The following CCT7 variants were observed in gnomAD, a reference collection of about 807,000 sequenced individuals.
The protein encoded by CCT7 is T-complex protein 1 subunit eta.
Under a neutral mutation model 56.6 loss-of-function variants are expected in CCT7, and 16 were observed. The observed-to-expected ratio is 0.28, with a 90% CI of 0.19 to 0.43. The LOEUF (loss-of-function observed/expected upper bound fraction) is 0.43. Among genes scored for constraint, CCT7 ranks in the 20% least tolerant of loss-of-function variants. The probability of loss-of-function intolerance (pLI) is 1.00; values close to 1 mark genes in which losing one functional copy is unlikely to be tolerated. For synonymous variants in CCT7, 262 were observed against 254.8 expected, an observed-to-expected ratio of 1.03 and a Z score of -0.27; for missense variants, 519 against 685.6, an observed-to-expected ratio of 0.76 and a Z score of 2.71.
intron 6 of CCT7, among the ~76,000 whole-genome samples, chr2:73,246,818 C>T (rs759318821): frequency 6.6e-6 from 1 of 152,202 alleles, no homozygotes; most frequent in Non-Finnish European, 1.5e-5. Context: ...TCAGCTCAGG[C>T]ATCACTCCCT....
chr2:73,247,578 T>A (rs57500214), intron 6 of CCT7, among the ~76,000 whole-genome samples, 184 bp from the exon 7 acceptor site: 38,743 of 145,078 alleles, frequency 0.27, 5,225 homozygotes, highest in East Asian at 0.37. Context: ...TTGTGTTATT[T>A]AAAAAAAAAA....
At chr2:73,250,201 A>C (rs1309496960) in intron 9 of CCT7, 105 bp from the exon 10 acceptor site, 2 of 1,391,540 alleles carry the variant, frequency 1.4e-6, no homozygotes, top group Admixed American at 1.8e-5. Context: ...TGAGTGAAGA[A>C]TGTAAGAGCA....
intron 3 of CCT7, among the ~76,000 whole-genome samples, 164 bp downstream of exon 3, chr2:73,240,707 A>G (rs533758269): frequency 4.3e-4 from 66 of 152,284 alleles, no homozygotes; most frequent in East Asian, 7.7e-4. Flanking sequence ...AATTCATACT[A>G]TTTCGTTACA....
At chr2:73,237,619 T>TG (rs1321869280) in intron 1 of CCT7, 2 of 152,140 alleles carry the variant, frequency 1.3e-5, no homozygotes, top group East Asian at 3.9e-4. Context: ...AGCCATTTCT[T>TG]GCCACCAGAC....
At chr2:73,239,398 A>T in intron 1 of CCT7, 3 of 439,188 alleles carry the variant, frequency 6.8e-6, no homozygotes, top group African/African-American at 2.0e-5. Flanking sequence ...TTTCTTTTAG[A>T]TTAGGTCAGT....
intron 8 of CCT7, 58 bp downstream of exon 8, chr2:73,249,237 G>A: frequency 7.2e-7 from 1 of 1,380,440 alleles, no homozygotes; most frequent in Non-Finnish European, 1.0e-6. Context: ...GGTTTTCACT[G>A]ACCCCTGGTA....
rs757932768 is a variant in CCT7, at chr2:73,249,021, A to T, written c.814A>T (p.Asn272Tyr). ...TCAGGCAATTGTTGATGCTGAGTGGAACATTCTCTATGACAAGTTAGAGAA... is the reference window on the plus strand; with the variant it reads ...TCAGGCAATTGTTGATGCTGAGTGGTACATTCTCTATGACAAGTTAGAGAA... ...DYQAIVDAEW[N>Y]ILYDKLEKIH... Residue 272 changes from asparagine (N) to tyrosine (Y), a missense_variant, in exon 8 of 12, where the codon AAC becomes TAC. Asn to Tyr is a moderately radical substitution (Grantham distance 143, BLOSUM62 -2). This residue lies in a region of CCT7 where 276 missense variants were observed against 357.3 expected (regional missense o/e 0.77). Transcript: ENST00000258091. The T allele has an allele frequency of 6.2e-7, 1 of 1,613,590 alleles. No homozygotes were observed. Among genetic ancestry groups the T allele is most frequent in the Admixed American group, 1.7e-5 (1 of 60,030 alleles).
At position 73,251,362 on chromosome 2, in the gene CCT7, G is replaced by A. The variant is rs1687573719; in HGVS notation, c.1340G>A (p.Arg447His). ...AYAKALEIIPRQLCDNAGFDA... is the reference protein window; with the variant it reads ...AYAKALEIIPHQLCDNAGFDA... ...GCCAAGGCCTTGGAGATTATCCCAC[G>A]CCAGCTGTGTGACAATGCTGGCTTT... The change falls in exon 11 of 12, where the codon CGC becomes CAC. Residue 447 changes from arginine to histidine, a missense_variant. Transcript: ENST00000258091. The A allele has an allele frequency of 1.9e-6, 3 of 1,614,034 alleles. No homozygotes were observed. The highest frequency in any genetic ancestry group is 1.1e-5 in the South Asian group (1 of 91,086).
intron 9 of CCT7, 136 bp downstream of exon 9, chr2:73,250,052 C>T: frequency 1.3e-6 from 1 of 745,738 alleles, no homozygotes; most frequent in Non-Finnish European, 2.3e-6. Flanking sequence ...AGAGTCTCAC[C>T]TTTGAGCCAT....
chr2:73,251,471 G>T, intron 11 of CCT7, 39 bp downstream of exon 11: 1 of 1,420,384 alleles, frequency 7.0e-7, no homozygotes, highest in Non-Finnish European at 9.9e-7. Flanking sequence ...GGTTTGGGCG[G>T]GTGGGGCTAG....
intron 4 of CCT7, among the ~76,000 whole-genome samples, chr2:73,243,623 A>G (rs532439031): frequency 6.6e-6 from 1 of 152,344 alleles, no homozygotes; most frequent in African/African-American, 2.4e-5. Context: ...TATTTTATAT[A>G]TAACTAATAT....
chr2:73,243,761 G>A, intron 4 of CCT7: 1 of 486,772 alleles, frequency 2.1e-6, no homozygotes, highest in Non-Finnish European at 3.6e-6. Context: ...AATCTTGGAA[G>A]CACCCTGATT....
Position 73,250,349 on chromosome 2 carries a change from T to G in CCT7, c.1114T>G (p.Phe372Val). 3.1e-6 allele frequency: 5 copies of G among 1,614,074 alleles called. No individual in the cohort carries two copies. Among genetic ancestry groups the G allele is most frequent in the Non-Finnish European group, 4.2e-6 (5 of 1,179,986 alleles). ...TGCPKAKTCT[F>V]ILRGGAEQFM... The stretch of plus-strand genomic sequence containing the variant: ...CTGCCCCAAGGCCAAGACATGCACC[T>G]TCATTCTCCGTGGCGGCGCCGAGCA... The change falls in exon 10 of 12, where the codon TTC (phenylalanine) becomes GTC (valine). Residue 372 changes from phenylalanine to valine, a missense_variant. Phe to Val is a conservative substitution (Grantham distance 50). Around this residue, in one of 3 missense-constraint regions of CCT7, gnomAD observed 237 missense variants for 300.8 expected, o/e 0.79. Coordinates refer to ENST00000258091, the MANE Select transcript of CCT7 (RefSeq NM_006429.4).
In CCT7 at chr2:73,243,100, A is replaced by G; in HGVS notation, c.364A>G (p.Ile122Val). ...GGAAGGTTTACACCCCCAGATCATCATTCGAGCTTTCCGCACAGCCACCCA... is the reference window on the plus strand; with the variant it reads ...GGAAGGTTTACACCCCCAGATCATCGTTCGAGCTTTCCGCACAGCCACCCA... ...VEEGLHPQII[I>V]RAFRTATQLA... The change falls in exon 4 of 12, where the codon ATT becomes GTT. Residue 122 changes from isoleucine to valine, a missense_variant. By Grantham distance (29) the Ile-to-Val change is conservative. Around this residue, in one of 3 missense-constraint regions of CCT7, gnomAD observed 276 missense variants for 357.3 expected, o/e 0.77. Transcript: ENST00000258091. 1 of 1,614,030 alleles carries G rather than the reference A, an allele frequency of 6.2e-7. No individual in the cohort carries two copies. Among genetic ancestry groups the G allele is most frequent in the Non-Finnish European group, 8.5e-7 (1 of 1,179,898 alleles).
At chr2:73,250,027 G>A (rs942467059) in intron 9 of CCT7, 111 bp downstream of exon 9, 2 of 814,956 alleles carry the variant, frequency 2.5e-6, no homozygotes, top group Non-Finnish European at 4.3e-6. Flanking sequence ...GTACAAAGTG[G>A]TATACAGCTT....
rs763738005 is a variant in CCT7 at position 73,249,027 on chromosome 2, C to G, written c.820C>G (p.Leu274Val). The part of the protein sequence containing the change: ...QAIVDAEWNI[L>V]YDKLEKIHHS... ...AATTGTTGATGCTGAGTGGAACATT[C>G]TCTATGACAAGTTAGAGAAGATCCA... Residue 274 changes from leucine to valine, a missense_variant, in exon 8 of 12, where the codon CTC becomes GTC. By Grantham distance (32) the Leu-to-Val change is conservative. Around this residue, in one of 3 missense-constraint regions of CCT7, gnomAD observed 276 missense variants for 357.3 expected, o/e 0.77. Coordinates refer to ENST00000258091, the MANE Select transcript of CCT7 (RefSeq NM_006429.4). The G allele has an allele frequency of 3.7e-6, 6 of 1,613,642 alleles. No individual in the cohort carries two copies. The African/African-American group carries it at 4.0e-5, about 11-fold the overall frequency.
chr2:73,249,692 A>C, intron 8 of CCT7, 127 bp from the exon 9 acceptor site: 1 of 689,710 alleles, frequency 1.4e-6, no homozygotes, highest in Non-Finnish European at 2.6e-6. Context: ...CCTGGAAGTC[A>C]AGGGAAAGGG....
At chr2:73,236,927 A>G (rs917877746) in intron 1 of CCT7, among the ~76,000 whole-genome samples, 8 of 152,194 alleles carry the variant, frequency 5.3e-5, no homozygotes, top group Non-Finnish European at 1.0e-4. Context: ...CTCTCAGTAA[A>G]TGTAGTGTTA....
At chr2:73,251,075 A>G (rs1687554588) in intron 10 of CCT7, 151 bp from the exon 11 acceptor site, 2 of 670,364 alleles carry the variant, frequency 3.0e-6, no homozygotes, top group African/African-American at 1.8e-5. Context: ...GGGATGTTCT[A>G]GATAGGGGCT....
Sources: allele counts gnomAD v4.1 joint callset (sites outside exome capture counted in the v4.1 genomes callset), GRCh38; gene constraint gnomAD v4.1.1; regional missense constraint gnomAD v4.1.1; transcripts MANE v1.5; gene names NCBI Gene and HGNC (gene_info 2026-07-23, HGNC 2026-07-21).